KCNC2: variants seen among roughly 807,000 people sequenced by gnomAD.
The protein encoded by KCNC2 is potassium voltage-gated channel subfamily C member 2, also known as voltage-gated potassium channel KCNC2.
A neutral mutation model predicts 44.5 loss-of-function variants in KCNC2; 21 were observed. The observed-to-expected ratio is 0.47, with a 90% CI of 0.33 to 0.68. The LOEUF is 0.68. Among genes scored for constraint, KCNC2 ranks in the 30% least tolerant of loss-of-function variants. KCNC2 has a pLI of 0.01. For synonymous variants in KCNC2, 391 were observed against 339.1 expected (o/e 1.15, Z -1.68); for missense variants, 589 against 826.2 (o/e 0.71, Z 3.52).
chr12:75,057,163 T>C (rs1419334654), intron 2 of KCNC2, among the ~76,000 whole-genome samples: 1 of 152,036 alleles, frequency 6.6e-6, no homozygotes, highest in Admixed American at 6.6e-5. Context: ...AAGTTGATTT[T>C]ATTAACCCAT....
chr12:75,075,550 T>G (rs1018408152), intron 2 of KCNC2, among the ~76,000 whole-genome samples: 1 of 150,948 alleles, frequency 6.6e-6, no homozygotes, highest in African/African-American at 2.4e-5. Context: ...TGAAAACGAA[T>G]TAGTGGAAGC....
intron 2 of KCNC2, among the ~76,000 whole-genome samples, chr12:75,158,869 A>T (rs896583104): frequency 6.6e-6 from 1 of 151,888 alleles, no homozygotes; most frequent in Non-Finnish European, 1.5e-5. Flanking sequence ...ATACTGAACA[A>T]AATTTAATTT....
chr12:75,140,022 A>G (rs1889522559), intron 2 of KCNC2: 1 of 152,208 alleles, frequency 6.6e-6, no homozygotes, highest in African/African-American at 2.4e-5. Flanking sequence ...CAGAATAAGA[A>G]TCATATATTA....
intron 2 of KCNC2, among the ~76,000 whole-genome samples, chr12:75,173,489 G>T (rs1260009076): frequency 1.3e-5 from 2 of 151,424 alleles, no homozygotes; most frequent in Non-Finnish European, 3.0e-5. Flanking sequence ...ACAAACAAAA[G>T]GAAAAAACAA....
intron 4 of KCNC2, among the ~76,000 whole-genome samples, chr12:75,046,357 A>G (rs1880510737): frequency 6.6e-6 from 1 of 151,738 alleles, no homozygotes; most frequent in Admixed American, 6.6e-5. Flanking sequence ...AGTGCCTTAT[A>G]ATTTGCAAAG....
intron 2 of KCNC2, among the ~76,000 whole-genome samples, chr12:75,155,248 A>G (rs1263168849): frequency 2.0e-5 from 3 of 151,928 alleles, no homozygotes; most frequent in African/African-American, 7.2e-5. Flanking sequence ...AACTGAGTAA[A>G]TTGTATTCCA....
intron 2 of KCNC2, among the ~76,000 whole-genome samples, chr12:75,153,699 C>T (rs1212609715): frequency 6.6e-6 from 1 of 151,336 alleles, no homozygotes; most frequent in Non-Finnish European, 1.5e-5. Flanking sequence ...TTAATGATAA[C>T]AATTAACACA....
At chr12:75,154,954 T>C (rs1310730988) in intron 2 of KCNC2, among the ~76,000 whole-genome samples, 1 of 151,964 alleles carries the variant, frequency 6.6e-6, no homozygotes. Flanking sequence ...TTATTGAGCC[T>C]ATAGAAAAGT....
intron 2 of KCNC2, among the ~76,000 whole-genome samples, chr12:75,118,095 T>A (rs575072595): frequency 6.6e-6 from 1 of 152,204 alleles, no homozygotes; most frequent in Admixed American, 6.5e-5. Flanking sequence ...AGCAATGGCA[T>A]TTTTAGAGCT....
intron 2 of KCNC2, among the ~76,000 whole-genome samples, chr12:75,135,179 T>C (rs951220501): frequency 1.3e-5 from 2 of 151,832 alleles, no homozygotes; most frequent in African/African-American, 4.8e-5. Context: ...GTGAATAAGT[T>C]CAGGACAAAG....
Position 75,042,652 on chromosome 12 carries a change from G to C in KCNC2, c.*453C>G. 2 of 1,224,550 alleles carry C rather than the reference G, an allele frequency of 1.6e-6. No individual in the cohort carries two copies. The highest frequency in any genetic ancestry group is 2.0e-6 in the Non-Finnish European group (2 of 979,542). 75.9% of individuals were successfully genotyped at this position (1,224,550 alleles called of 1,614,324 possible). On this transcript the variant is annotated 3_prime_UTR_variant, in exon 5 of 5. Transcript: ENST00000549446. ...CATTGCTTTCAGGTGATAGAGACAA[G>C]ATGGTCCATGCAAATGAGCTGACAC... is the stretch of plus-strand genomic sequence containing the variant.
At chr12:75,051,584 A>T (rs187161779) in intron 2 of KCNC2, among the ~76,000 whole-genome samples, 1 of 152,266 alleles carries the variant, frequency 6.6e-6, no homozygotes, top group South Asian at 2.1e-4. Flanking sequence ...TTTTTTGTGT[A>T]AGAAAATATA....
At chr12:75,193,189 A>T (rs1349263621) in intron 2 of KCNC2, among the ~76,000 whole-genome samples, 1 of 152,178 alleles carries the variant, frequency 6.6e-6, no homozygotes, top group East Asian at 1.9e-4. Flanking sequence ...AAGATAGTAA[A>T]CTTATCTTCT....
At chr12:75,188,409 C>T (rs117598584) in intron 2 of KCNC2, among the ~76,000 whole-genome samples, 56 of 152,140 alleles carry the variant, frequency 3.7e-4, no homozygotes, top group Non-Finnish European at 7.6e-4. Context: ...ATATAAGATC[C>T]TTATTTAACA....
intron 2 of KCNC2, among the ~76,000 whole-genome samples, chr12:75,197,018 T>C (rs17803457): frequency 0.084 from 12,736 of 152,108 alleles, 592 homozygotes; most frequent in Admixed American, 0.14. Flanking sequence ...TAGCCAACTG[T>C]GCTCAAAGTG....
chr12:75,173,668 T>C (rs1891985391), intron 2 of KCNC2, among the ~76,000 whole-genome samples: 1 of 151,812 alleles, frequency 6.6e-6, no homozygotes, highest in Admixed American at 6.6e-5. Context: ...TAAATTAGGA[T>C]TTAGAGGGTA....
At chr12:75,153,194 A>G (rs957279458) in intron 2 of KCNC2, among the ~76,000 whole-genome samples, 1 of 152,044 alleles carries the variant, frequency 6.6e-6, no homozygotes, top group Non-Finnish European at 1.5e-5. Context: ...TGGGAAGAAG[A>G]CATGGTGTGT....
Position 75,112,668 on chromosome 12 carries a change from T to G in KCNC2, c.688-61351A>C, listed in dbSNP as rs181023851. On this transcript the variant is annotated intron_variant, in intron 2 of 4. Transcript: ENST00000549446. ...TTGATAAATTTAAGCCTGAACTGTA[T>G]TAGTAAGAAATATTCCCAAAATTTA... 2.6e-5 allele frequency among the ~76,000 whole-genome samples: 4 copies of G among 152,130 alleles called. No homozygotes were observed. In the East Asian group the frequency reaches 7.7e-4, roughly 29 times the overall value.
intron 2 of KCNC2, among the ~76,000 whole-genome samples, chr12:75,113,449 T>A (rs1408161613): frequency 6.6e-6 from 1 of 151,950 alleles, no homozygotes; most frequent in Non-Finnish European, 1.5e-5. Flanking sequence ...CAGAAAAAAA[T>A]AAAAGGAAAA....
Sources: gnomAD v4.1 joint callset for allele counts (sites outside exome capture counted in the v4.1 genomes callset) on GRCh38, gnomAD v4.1.1 for gene constraint, MANE v1.5 for transcripts, NCBI Gene and HGNC (gene_info 2026-07-23, HGNC 2026-07-21) for gene names.